Variants in TIPIN observed in about 807,000 individuals in gnomAD.
The protein encoded by TIPIN is TIMELESS interacting protein.
A neutral mutation model predicts 35.6 loss-of-function variants in TIPIN; 29 were observed. The ratio of observed to expected loss-of-function variants is 0.82; its 90% confidence interval spans 0.61 to 1.11. The LOEUF (loss-of-function observed/expected upper bound fraction) is 1.11, where lower values mean the gene tolerates loss of function less well. Ranked by LOEUF, TIPIN falls within the 50% of genes most tolerant of loss-of-function variation. The pLI, the probability that TIPIN is intolerant of heterozygous loss-of-function variation, is 0.00. For missense variants in TIPIN, 296 were observed against 345.4 expected (o/e 0.86, Z 1.13); for synonymous variants, 102 against 121.5 (o/e 0.84, Z 1.06).
upstream of TIPIN, among the ~76,000 whole-genome samples, chr15:66,359,410 A>G (rs1341903183): frequency 2.0e-5 from 3 of 151,968 alleles, no homozygotes; most frequent in South Asian, 2.1e-4. Context: ...CAGTGGTGCA[A>G]TCTTGGCTCA....
chr15:66,371,258 A>G (rs1266956794), intron 1 of TIPIN: 1 of 984,874 alleles, frequency 1.0e-6, no homozygotes, highest in East Asian at 1.1e-4. Flanking sequence ...CCTGTTGTAT[A>G]CTTTTCTGGT....
Position 66,381,311 on chromosome 15 carries a change from G to A in TIPIN, c.-9+5296C>T, listed in dbSNP as rs139948490. On this transcript the variant is annotated intron_variant, in intron 1 of 7. Coordinates refer to the TIPIN transcript ENST00000562124. Reference sequence around the variant, plus strand: ...AAATTAGCCGAGCGTGGTGGCGGGCGCCTGTAATATCAGCTACTCAGGAGG... The same window carrying A: ...AAATTAGCCGAGCGTGGTGGCGGGCACCTGTAATATCAGCTACTCAGGAGG... 9.7e-3 allele frequency among the ~76,000 whole-genome samples: 1,479 copies of A among 152,046 alleles called. 54 individuals carry two copies. Among genetic ancestry groups the A allele is most frequent in the Admixed American group, 0.062 (939 of 15,268 alleles).
rs368250978 is a variant in TIPIN, at chr15:66,375,680, A to G, written c.-9+10927T>C. On this transcript the variant is annotated intron_variant, in intron 1 of 7. Coordinates refer to the TIPIN transcript ENST00000562124. ...ATGGTGAAACCCCGTCTCTACTAGT[A>G]CCAAAGGCTGCAAAATGAAAAGGAA... Among the ~76,000 whole-genome samples, 19 of 150,870 alleles carry G rather than the reference A, an allele frequency of 1.3e-4. 1 individual carries two copies. In the East Asian group the frequency reaches 2.8e-3, roughly 22 times the overall value.
chr15:66,350,391 A>AG, intron 4 of TIPIN, among the ~76,000 whole-genome samples: 1 of 142,008 alleles, frequency 7.0e-6, no homozygotes, highest in Non-Finnish European at 1.5e-5. Context: ...GGATGACCTG[A>AG]GTCAGGAGTT....
intron 6 of TIPIN, chr15:66,347,326 A>G (rs751008307): frequency 1.9e-6 from 1 of 514,914 alleles, no homozygotes; most frequent in South Asian, 1.4e-5. Flanking sequence ...AATGCAATCA[A>G]TACCAGGAAC....
rs780431667 is a variant in TIPIN at position 66,336,747 on chromosome 15, T to C, written c.*211A>G. 66 of 504,446 alleles carry C rather than the reference T, an allele frequency of 1.3e-4. No individual in the cohort carries two copies. Among genetic ancestry groups the C allele is most frequent in the Non-Finnish European group, 1.9e-4 (53 of 281,720 alleles). 31.2% of individuals were successfully genotyped at this position (504,446 alleles called of 1,614,324 possible). A position where few individuals can be genotyped will look rare whatever the true frequency, so the allele number is the denominator to read the frequency against. ...ACCTCCTAATCATTTTATGAAGAAA[T>C]ACCTATATAAAAACAAACACTAAAG... is the stretch of plus-strand genomic sequence containing the variant. On this transcript the variant is annotated 3_prime_UTR_variant, in exon 8 of 8. Coordinates refer to ENST00000261881, the MANE Select transcript of TIPIN (RefSeq NM_017858.3).
At chr15:66,371,311 TA>T (rs754107387) in intron 1 of TIPIN, 1 of 984,758 alleles carries the variant, frequency 1.0e-6, no homozygotes, top group African/African-American at 1.7e-5. Context: ...TTATATAATT[TA>T]AAAAACAGAA....
upstream of TIPIN, among the ~76,000 whole-genome samples, chr15:66,360,801 T>C (rs1310312252): frequency 6.6e-6 from 1 of 152,200 alleles, no homozygotes; most frequent in Non-Finnish European, 1.5e-5. Context: ...AACTCATCTC[T>C]ACTAAAAATA....
intron 1 of TIPIN, chr15:66,383,126 TAC>T (rs1027559316): frequency 1.2e-4 from 46 of 390,142 alleles, no homozygotes; most frequent in Middle Eastern, 1.2e-3. Flanking sequence ...TGCTGCATTT[TAC>T]ACAGAGTGGA....
intron 1 of TIPIN, 52 bp downstream of exon 1, chr15:66,356,587 C>T (rs1397874714): frequency 1.0e-6 from 1 of 985,238 alleles, no homozygotes; most frequent in Non-Finnish European, 1.2e-6. Flanking sequence ...CCTGGCTAGT[C>T]CGACTCCCCT....
chr15:66,361,901 T>G (rs1327145223), intron 1 of TIPIN, among the ~76,000 whole-genome samples: 2 of 151,738 alleles, frequency 1.3e-5, no homozygotes, highest in African/African-American at 4.8e-5. Context: ...ATCACTCCAA[T>G]GTGGAAGTGG....
intron 1 of TIPIN, among the ~76,000 whole-genome samples, chr15:66,372,692 TCAAGAGTTTGAGACCAGCCCGGC>T (rs1333778325): frequency 6.6e-6 from 1 of 151,996 alleles, no homozygotes; most frequent in Non-Finnish European, 1.5e-5. Flanking sequence ...GATCACGAGG[TCAAGAGTTTGAGACCAGCCCGGC>T]CAACATGGTG....
intron 1 of TIPIN, among the ~76,000 whole-genome samples, chr15:66,373,948 T>C (rs2093286770): frequency 6.6e-6 from 1 of 152,104 alleles, no homozygotes; most frequent in Non-Finnish European, 1.5e-5. Flanking sequence ...AGCGACCCTT[T>C]TGACTCGCCT....
chr15:66,346,240 G>A (rs35387474), intron 6 of TIPIN, among the ~76,000 whole-genome samples: 15,891 of 149,562 alleles, frequency 0.11, 1,077 homozygotes, highest in Non-Finnish European at 0.15. Context: ...GAGCCACTGC[G>A]CCTGGCCTTA....
chr15:66,379,304 G>A (rs1327646624), intron 1 of TIPIN: 24 of 1,568,052 alleles, frequency 1.5e-5, no homozygotes, highest in South Asian at 4.6e-5. Flanking sequence ...GTCATCTGGC[G>A]TCTTCTTTCT....
At chr15:66,352,034 C>T (rs1432122135) in intron 3 of TIPIN, 95 bp downstream of exon 3, 2 of 1,029,410 alleles carry the variant, frequency 1.9e-6, no homozygotes, top group African/African-American at 3.4e-5. Flanking sequence ...TATAAGAGCT[C>T]CACATCATAC....
At chr15:66,363,604 T>G (rs2093240443) in intron 1 of TIPIN, among the ~76,000 whole-genome samples, 2 of 151,554 alleles carry the variant, frequency 1.3e-5, no homozygotes, top group African/African-American at 4.8e-5. Context: ...ATCGCGCCAC[T>G]GCACACCAGC....
At chr15:66,352,763 G>A (rs1236503586) in intron 2 of TIPIN, 52 bp downstream of exon 2, 57 of 1,529,532 alleles carry the variant, frequency 3.7e-5, no homozygotes, top group Non-Finnish European at 5.0e-5. Flanking sequence ...TTACAGGCAT[G>A]AGCCACCGTG....
At chr15:66,339,583 T>A (rs1022480810) in intron 7 of TIPIN, among the ~76,000 whole-genome samples, 20 of 152,220 alleles carry the variant, frequency 1.3e-4, no homozygotes, top group African/African-American at 4.6e-4. Context: ...AACAGCAAAT[T>A]TAGGCCAGGT....
Sources: gnomAD v4.1 joint callset for allele counts (sites outside exome capture counted in the v4.1 genomes callset) on GRCh38, gnomAD v4.1.1 for gene constraint, MANE v1.5 for transcripts, NCBI Gene and HGNC (gene_info 2026-07-23, HGNC 2026-07-21) for gene names.